RP1: variants seen among roughly 807,000 people sequenced by gnomAD.
The protein encoded by RP1 is oxygen-regulated protein 1.
RP1 carries 16 observed loss-of-function variants against 14.8 expected under a neutral mutation model. That is an observed-to-expected ratio of 1.08 (90% CI 0.73 to 1.65). The LOEUF is 1.65. RP1 is among the 40% of genes most tolerant of loss of function. RP1 has a pLI of 0.00. For missense variants in RP1, 2,631 were observed against 2,535.0 expected (o/e 1.04, Z -0.81); for synonymous variants, 876 against 883.6 (o/e 0.99, Z 0.15).
chr8:54,622,706 C>T (rs959831915), intron 3 of RP1, among the ~76,000 whole-genome samples: 1 of 152,194 alleles, frequency 6.6e-6, no homozygotes, highest in African/African-American at 2.4e-5. Context: ...CAAATCTACG[C>T]TATGTGCTCT....
chr8:54,666,743 A>G (rs1258192302), intron 7 of RP1, among the ~76,000 whole-genome samples: 2 of 151,392 alleles, frequency 1.3e-5, no homozygotes, highest in African/African-American at 4.9e-5. Context: ...GAAGTTAGAT[A>G]ATTTTCCTTG....
chr8:54,576,380 T>TA (rs1380997627), intron 1 of RP1, among the ~76,000 whole-genome samples: 1 of 152,238 alleles, frequency 6.6e-6, no homozygotes, highest in Non-Finnish European at 1.5e-5. Flanking sequence ...ATTAATGCTG[T>TA]AATCAGCCTG....
intron 24 of RP1, among the ~76,000 whole-genome samples, chr8:54,814,101 G>T (rs1811077811): frequency 6.6e-6 from 1 of 152,116 alleles, no homozygotes; most frequent in Admixed American, 6.5e-5. Context: ...CAACAAACAG[G>T]CCTATTGTTC....
At chr8:54,560,079 G>C (rs376929185) in intron 1 of RP1, among the ~76,000 whole-genome samples, 88 of 152,310 alleles carry the variant, frequency 5.8e-4, no homozygotes, top group African/African-American at 1.9e-3. Flanking sequence ...AGAAGCTTCA[G>C]GGCATCATGG....
intron 24 of RP1, among the ~76,000 whole-genome samples, chr8:54,822,900 G>C (rs1220272423): frequency 6.6e-6 from 1 of 152,082 alleles, no homozygotes; most frequent in Non-Finnish European, 1.5e-5. Flanking sequence ...GTAACAAAAT[G>C]GTAATAAGTA....
intron 7 of RP1, among the ~76,000 whole-genome samples, chr8:54,670,490 A>AGTATGTATATATATACACATATATAT (rs1209937712): frequency 7.1e-5 from 7 of 98,914 alleles, no homozygotes; most frequent in African/African-American, 2.0e-4. Context: ...TACATATGTA[A>AGTATGTATATATATACACATATATAT]GTATGTATAT....
intron 25 of RP1, among the ~76,000 whole-genome samples, chr8:54,850,210 T>C (rs1392097006): frequency 5.3e-5 from 8 of 152,172 alleles, no homozygotes; most frequent in Admixed American, 3.3e-4. Flanking sequence ...TTCTAAAAAA[T>C]GGCACTTTAA....
At chr8:54,845,432 A>T (rs1690445684) in intron 25 of RP1, among the ~76,000 whole-genome samples, 1 of 152,124 alleles carries the variant, frequency 6.6e-6, no homozygotes, top group African/African-American at 2.4e-5. Context: ...ACCTGAAAAA[A>T]CATGAGCCCT....
chr8:54,607,336 G>A (rs920196312), intron 1 of RP1, among the ~76,000 whole-genome samples: 4 of 152,176 alleles, frequency 2.6e-5, no homozygotes, highest in Non-Finnish European at 4.4e-5. Flanking sequence ...CTGGGTATCC[G>A]CAGCAGAGGC....
chr8:54,782,608 T>A (rs1160647267), intron 23 of RP1, among the ~76,000 whole-genome samples: 1 of 152,182 alleles, frequency 6.6e-6, no homozygotes, highest in Non-Finnish European at 1.5e-5. Context: ...TAGAGGTGCA[T>A]GCACTGCACA....
intron 14 of RP1, among the ~76,000 whole-genome samples, chr8:54,705,338 T>C (rs1260001514): frequency 1.3e-5 from 2 of 152,234 alleles, no homozygotes; most frequent in Non-Finnish European, 2.9e-5. Flanking sequence ...GAATGTGCAC[T>C]GGTTCTCTCC....
intron 24 of RP1, among the ~76,000 whole-genome samples, chr8:54,793,782 A>G (rs1810521465): frequency 1.3e-5 from 2 of 151,914 alleles, no homozygotes; most frequent in African/African-American, 4.8e-5. Flanking sequence ...AAGGGTGCCT[A>G]CTCTTGCTAC....
intron 2 of RP1, 125 bp downstream of exon 2, chr8:54,621,706 A>T (rs1805884275): frequency 7.2e-7 from 1 of 1,386,532 alleles, no homozygotes; most frequent in Non-Finnish European, 1.0e-6. Context: ...TGTGTATGTG[A>T]GTGTGTGTGC....
chr8:54,559,445 G>A (rs1381950348), intron 1 of RP1: 2 of 152,130 alleles, frequency 1.3e-5, no homozygotes, highest in Non-Finnish European at 2.9e-5. Context: ...AATGTGAAAG[G>A]TTGCTTAATG....
At chr8:54,818,808 G>A (rs1811191483) in intron 24 of RP1, among the ~76,000 whole-genome samples, 1 of 152,134 alleles carries the variant, frequency 6.6e-6, no homozygotes, top group South Asian at 2.1e-4. Context: ...CTCAGAACAA[G>A]GCAAATACTG....
At chr8:54,711,202 G>C (rs564145537) in intron 15 of RP1, among the ~76,000 whole-genome samples, 2 of 152,020 alleles carry the variant, frequency 1.3e-5, no homozygotes, top group Non-Finnish European at 2.9e-5. Flanking sequence ...TTAGCTTAAC[G>C]TTAAGGTTTT....
chr8:54,590,365 G>A (rs568531600), intron 1 of RP1, among the ~76,000 whole-genome samples: 28 of 152,192 alleles, frequency 1.8e-4, no homozygotes, highest in Admixed American at 7.2e-4. Flanking sequence ...TAACTGGTCT[G>A]TCTTCTACCA....
intron 12 of RP1, among the ~76,000 whole-genome samples, chr8:54,693,925 TG>T (rs971559219): frequency 2.0e-5 from 3 of 152,150 alleles, no homozygotes; most frequent in African/African-American, 7.2e-5. Context: ...TTCCAGTTTT[TG>T]CCCATTCAGT....
At position 54,630,153 on chromosome 8, in the gene RP1, A is replaced by G. The variant is rs1238817225; in HGVS notation, c.6271A>G (p.Ile2091Val). ...TNLNQVVRENINCHYFFEMLG... is the reference protein window; with the variant it reads ...TNLNQVVRENVNCHYFFEMLG... ...TCTCAACCAAGTAGTAAGAGAAAAT[A>G]TCAACTGTCATTACTTCTTTGAAAT... The change falls in exon 4 of 4, where the codon ATC (isoleucine) becomes GTC (valine). Residue 2091 changes from isoleucine to valine, a missense_variant. Transcript: ENST00000220676. 1 of 1,613,836 alleles carries G rather than the reference A, an allele frequency of 6.2e-7. No individual in the cohort carries two copies. The highest frequency in any genetic ancestry group is 2.2e-5 in the East Asian group (1 of 44,836).
Sources: gnomAD v4.1 joint callset for allele counts (sites outside exome capture counted in the v4.1 genomes callset) on GRCh38, gnomAD v4.1.1 for gene constraint, MANE v1.5 for transcripts, NCBI Gene and HGNC (gene_info 2026-07-23, HGNC 2026-07-21) for gene names.